The following ITPR3 variants were observed in gnomAD, a reference collection of about 807,000 sequenced individuals.
The protein encoded by ITPR3 is inositol 1,4,5-trisphosphate-gated calcium channel ITPR3.
A neutral mutation model predicts 293.2 loss-of-function variants in ITPR3; 173 were observed. That is an observed-to-expected ratio of 0.59 (90% CI 0.52 to 0.67). The LOEUF (loss-of-function observed/expected upper bound fraction) is 0.67, where lower values mean the gene tolerates loss of function less well. Ranked by LOEUF, ITPR3 falls within the 30% of genes least tolerant of loss-of-function variation. The pLI, the probability that ITPR3 is intolerant of heterozygous loss-of-function variation, is 0.00. For missense variants in ITPR3, 2,796 were observed against 3,592.1 expected (o/e 0.78, Z 5.66); for synonymous variants, 1,295 against 1,444.4 (o/e 0.90, Z 2.35).
At chr6:33,623,886 C>T (rs140373077) in intron 1 of ITPR3, among the ~76,000 whole-genome samples, 5 of 152,174 alleles carry the variant, frequency 3.3e-5, no homozygotes, top group African/African-American at 1.2e-4. Flanking sequence ...AGCGGATGTC[C>T]ACCCTCCTAG....
intron 1 of ITPR3, among the ~76,000 whole-genome samples, chr6:33,622,404 G>C (rs935328602): frequency 6.6e-6 from 1 of 152,176 alleles, no homozygotes; most frequent in African/African-American, 2.4e-5. Context: ...ATCAGTTCAC[G>C]TCCCTGGAGA....
In ITPR3 at chr6:33,672,092, G is replaced by A. The variant is rs925228686; in HGVS notation, c.2792G>A (p.Arg931His). ...ATGATGTCCACCATGGTGCTGAGCC[G>A]CAAGCAGTCCGTCTTCAGTGCCCCC... Reference protein sequence around the residue: ...GHMMSTMVLSRKQSVFSAPSL... With the variant: ...GHMMSTMVLSHKQSVFSAPSL... Residue 931 changes from arginine to histidine, a missense_variant, in exon 22 of 58, where the codon CGC (arginine) becomes CAC (histidine). Around this residue, in one of 8 missense-constraint regions of ITPR3, gnomAD observed 955 missense variants for 1,180.8 expected, o/e 0.81. Transcript: ENST00000605930. This position sits in a 1 kb window ranked among gnomAD's most constrained non-coding sequence, Gnocchi z 5.0. 5.0e-6 allele frequency: 8 copies of A among 1,613,816 alleles called. No homozygotes were observed. The highest frequency in any genetic ancestry group is 5.9e-6 in the Non-Finnish European group (7 of 1,179,876).
intron 1 of ITPR3, among the ~76,000 whole-genome samples, chr6:33,622,468 G>A (rs890605772): frequency 1.3e-5 from 2 of 152,204 alleles, no homozygotes; most frequent in Non-Finnish European, 2.9e-5. Flanking sequence ...AGAGAGGATG[G>A]GTTTATCTTC....
rs1764917427 is a variant in ITPR3, at chr6:33,676,754, T to TC, written c.3283-12dup. Reference sequence around the variant, plus strand: ...GAGCCCATCTCACCAGCCAGGCCCATCCTCCACCTTCAGGTTCAGCTGCTG... The same window carrying TC: ...GAGCCCATCTCACCAGCCAGGCCCATCCCTCCACCTTCAGGTTCAGCTGCTG... On this transcript the variant is annotated splice_polypyrimidine_tract_variant and intron_variant, in intron 25 of 57. Transcript: ENST00000605930. 6.2e-7 allele frequency: 1 copy of TC among 1,613,614 alleles called. No homozygotes were observed. Among genetic ancestry groups the TC allele is most frequent in the African/African-American group, 1.3e-5 (1 of 74,916 alleles).
rs933007621 is a variant in ITPR3 at position 33,672,547 on chromosome 6, TA to T, written c.2928+327del. Among the ~76,000 whole-genome samples, 10 of 151,672 alleles carry T rather than the reference TA, an allele frequency of 6.6e-5. No homozygotes were observed. The highest frequency in any genetic ancestry group is 2.2e-4 in the African/African-American group (9 of 41,242). On this transcript the variant is annotated intron_variant, in intron 22 of 57. Coordinates refer to ENST00000605930, the MANE Select transcript of ITPR3 (RefSeq NM_002224.4). The surrounding 1 kb of genome is among the most constrained non-coding windows in gnomAD (Gnocchi z 5.0). ...TGCCTGGGTGAGACCCCGTCTCTAT[TA>T]AAAAAAATAGTAATAACGATAAATA...
rs1582158470 is a variant in ITPR3, at chr6:33,683,927, C to A, written c.4789-93C>A. On this transcript the variant is annotated intron_variant, in intron 35 of 57. Coordinates refer to ENST00000605930, the MANE Select transcript of ITPR3 (RefSeq NM_002224.4). The surrounding 1 kb of genome is among the most constrained non-coding windows in gnomAD (Gnocchi z 4.5). Reference sequence around the variant, plus strand: ...GCCCCTCAGACAGAGGCAGGGCAATCTGTGGGGCTGTTTGGCGTTTGGGTC... The same window carrying A: ...GCCCCTCAGACAGAGGCAGGGCAATATGTGGGGCTGTTTGGCGTTTGGGTC... 7.0e-7 allele frequency: 1 copy of A among 1,421,250 alleles called. No individual in the cohort carries two copies. Among genetic ancestry groups the A allele is most frequent in the East Asian group, 2.3e-5 (1 of 43,254 alleles). 88.0% of individuals were successfully genotyped at this position (1,421,250 alleles called of 1,614,324 possible). A position where few individuals can be genotyped will look rare whatever the true frequency, so the allele number is the denominator to read the frequency against.
intron 1 of ITPR3, among the ~76,000 whole-genome samples, chr6:33,622,732 C>G (rs1482404841): frequency 1.3e-5 from 2 of 152,262 alleles, no homozygotes; most frequent in African/African-American, 4.8e-5. Flanking sequence ...ACCCTCAGCT[C>G]AGGACTGATG....
chr6:33,671,012 G>T, intron 20 of ITPR3, 153 bp from the exon 21 acceptor site: 4 of 838,546 alleles, frequency 4.8e-6, no homozygotes, highest in Non-Finnish European at 5.8e-6. Context: ...CTGGGAAAGG[G>T]CTGCCTCTCC....
chr6:33,639,294 G>C (rs1763892937), intron 1 of ITPR3, among the ~76,000 whole-genome samples: 1 of 151,184 alleles, frequency 6.6e-6, no homozygotes, highest in Non-Finnish European at 1.5e-5. Context: ...CAGGAGAATT[G>C]CTTGAACCCG....
In ITPR3 at chr6:33,668,732, A is replaced by C. The variant is rs375596218; in HGVS notation, c.2006+98A>C. 8.5e-5 allele frequency: 132 copies of C among 1,556,346 alleles called. No individual in the cohort carries two copies. In the East Asian group the frequency reaches 2.3e-3, roughly 27 times the overall value. ...TGTCTGGGTTCAGGCTGGAACTGGCACCCTTGCTCTCTGCAGCTGTGAACT... is the reference window on the plus strand; with the variant it reads ...TGTCTGGGTTCAGGCTGGAACTGGCCCCCTTGCTCTCTGCAGCTGTGAACT... On this transcript the variant is annotated intron_variant, in intron 17 of 57. Transcript: ENST00000605930.
At chr6:33,660,942 ACAAG>A (rs2127266345) in intron 7 of ITPR3, among the ~76,000 whole-genome samples, 1 of 149,848 alleles carries the variant, frequency 6.7e-6, no homozygotes, top group South Asian at 2.1e-4. Context: ...AAAAAAACAA[ACAAG>A]CAAACAAACA....
Position 33,677,049 on chromosome 6 carries a change from C to T in ITPR3, c.3482C>T (p.Pro1161Leu). 6.2e-7 allele frequency: 1 copy of T among 1,614,188 alleles called. No homozygotes were observed. The part of the protein sequence containing the change: ...PTDEEGFLHP[P>L]GEKSSENYQI... The stretch of plus-strand genomic sequence containing the variant: ...GACGAGGAGGGCTTTCTGCACCCAC[C>T]AGGGGAGAAAAGCAGTGAGAACTAC... The change falls in exon 27 of 58, where the codon CCA (proline) becomes CTA (leucine). Residue 1161 changes from proline to leucine, a missense_variant. Pro to Leu is a moderately conservative substitution (Grantham distance 98). Around this residue, in one of 8 missense-constraint regions of ITPR3, gnomAD observed 344 missense variants for 460.3 expected, o/e 0.75. Transcript: ENST00000605930.
At position 33,665,131 on chromosome 6, in the gene ITPR3, G is replaced by A; in HGVS notation, c.1327G>A (p.Asp443Asn). 6.2e-7 allele frequency: 1 copy of A among 1,614,184 alleles called. No homozygotes were observed. The highest frequency in any genetic ancestry group is 8.5e-7 in the Non-Finnish European group (1 of 1,180,038). The stretch of plus-strand genomic sequence containing the variant: ...GCCCGTGTCTGAGATCCGAGACCTG[G>A]ACTTTGCCAATGACGCCAGCTCCAT... ...SVPVSEIRDLDFANDASSMLA... is the reference protein window; with the variant it reads ...SVPVSEIRDLNFANDASSMLA... Residue 443 changes from aspartate (D) to asparagine (N), a missense_variant, in exon 13 of 58, where the codon GAC (aspartate) becomes AAC (asparagine). Coordinates refer to ENST00000605930, the MANE Select transcript of ITPR3 (RefSeq NM_002224.4).
At position 33,666,717 on chromosome 6, in the gene ITPR3, A is replaced by G. The variant is rs1242898247; in HGVS notation, c.1552-412A>G. Among the ~76,000 whole-genome samples, 1 of 151,688 alleles carries G rather than the reference A, an allele frequency of 6.6e-6. No individual in the cohort carries two copies. The highest frequency in any genetic ancestry group is 1.5e-5 in the Non-Finnish European group (1 of 67,964). ...ATTTTTCACCTCTCCACCCAGCCCC[A>G]GCCTTTAAAACATTTTTGTAATTAT... On this transcript the variant is annotated intron_variant, in intron 14 of 57. Transcript: ENST00000605930. The surrounding 1 kb of genome is among the most constrained non-coding windows in gnomAD (Gnocchi z 5.1).
Position 33,687,394 on chromosome 6 carries a change from C to T in ITPR3, c.6177+67C>T. Reference sequence around the variant, plus strand: ...CACCATACCCCGCCCCAGCTGCCATCATCCCCCAGTCGCCATTGTCGCCCC... The same window carrying T: ...CACCATACCCCGCCCCAGCTGCCATTATCCCCCAGTCGCCATTGTCGCCCC... On this transcript the variant is annotated intron_variant, in intron 45 of 57. Transcript: ENST00000605930. The surrounding 1 kb of genome is among the most constrained non-coding windows in gnomAD (Gnocchi z 5.3). The T allele has an allele frequency of 6.8e-7, 1 of 1,481,110 alleles. No homozygotes were observed. The highest frequency in any genetic ancestry group is 9.3e-7 in the Non-Finnish European group (1 of 1,077,356). The allele number at this position is 1,481,110 out of a possible 1,614,324, so 91.7% of individuals were successfully genotyped here. A position where few individuals can be genotyped will look rare whatever the true frequency, so the allele number is the denominator to read the frequency against.
At chr6:33,689,753 G>A (rs1253950350) in intron 50 of ITPR3, among the ~76,000 whole-genome samples, 3 of 152,202 alleles carry the variant, frequency 2.0e-5, no homozygotes, top group Non-Finnish European at 2.9e-5. Context: ...CCTGACAGAT[G>A]GAAATAAAGT....
chr6:33,681,115 G>A (rs370853363), intron 33 of ITPR3, among the ~76,000 whole-genome samples: 25 of 152,246 alleles, frequency 1.6e-4, no homozygotes, highest in East Asian at 5.8e-4. Flanking sequence ...CACCGCGCCC[G>A]GCCTAAGTAT....
rs550861903 is a variant in ITPR3, at chr6:33,673,368, A to G, written c.2929-223A>G. ...GGCCCTCATACTCCATCACTGGGGC[A>G]GGAGCTGGGGAGAGGGCACCCTGGG... On this transcript the variant is annotated intron_variant, in intron 22 of 57. Coordinates refer to ENST00000605930, the MANE Select transcript of ITPR3 (RefSeq NM_002224.4). Among the ~76,000 whole-genome samples the G allele has an allele frequency of 2.6e-5, 4 of 152,054 alleles. No homozygotes were observed. The South Asian group carries it at 8.3e-4, about 32-fold the overall frequency.
Position 33,675,866 on chromosome 6 carries a change from C to T in ITPR3, c.3282+10C>T, listed in dbSNP as rs1478763129. On this transcript the variant is annotated intron_variant, in intron 25 of 57. Coordinates refer to ENST00000605930, the MANE Select transcript of ITPR3 (RefSeq NM_002224.4). The surrounding 1 kb of genome is among the most constrained non-coding windows in gnomAD (Gnocchi z 5.0). ...GCACACCTTCAAGCAGGTGACGGGA[C>T]TACCTGGCCCTGGCCCTGAGCATGA... The T allele has an allele frequency of 6.5e-7, 1 of 1,549,644 alleles. No homozygotes were observed.
Sources: allele counts gnomAD v4.1 joint callset (sites outside exome capture counted in the v4.1 genomes callset), GRCh38; gene constraint gnomAD v4.1.1; regional missense constraint gnomAD v4.1.1; non-coding constraint Gnocchi (gnomAD v3.1); transcripts MANE v1.5; gene names NCBI Gene and HGNC (gene_info 2026-07-23, HGNC 2026-07-21).